The following FAM135B variants were observed in gnomAD, a reference collection of about 807,000 sequenced individuals.
FAM135B encodes the protein protein FAM135B.
Under a neutral mutation model 127.7 loss-of-function variants are expected in FAM135B, and 43 were observed. The observed-to-expected ratio is 0.34, with a 90% CI of 0.26 to 0.43. FAM135B has a LOEUF of 0.43. Ranked by LOEUF, FAM135B falls within the 20% of genes least tolerant of loss-of-function variation. FAM135B has a pLI of 1.00. For synonymous variants in FAM135B, 670 were observed against 665.1 expected (o/e 1.01, Z -0.11); for missense variants, 1,558 against 1,725.6 (o/e 0.90, Z 1.72).
chr8:138,446,976 C>T (rs904999270), intron 1 of FAM135B, among the ~76,000 whole-genome samples: 4 of 152,068 alleles, frequency 2.6e-5, no homozygotes, highest in African/African-American at 9.7e-5. Flanking sequence ...CAAACAACCC[C>T]ATCAAAAAGT....
rs57516037 is a variant in FAM135B at position 138,136,400 on chromosome 8, G to C, written c.4015+747C>G. On this transcript the variant is annotated intron_variant, in intron 19 of 19. Coordinates refer to ENST00000395297, the MANE Select transcript of FAM135B (RefSeq NM_015912.4). ...CATTAGTGGACACTGACATAATTTA[G>C]ATAAGGTCTAGAAATTAGATAATAA... 1.9e-3 allele frequency among the ~76,000 whole-genome samples: 292 copies of C among 152,218 alleles called. 13 individuals carry two copies. The East Asian group carries it at 0.053, about 28-fold the overall frequency.
At chr8:138,450,787 G>C (rs1409812227) in intron 1 of FAM135B, 2 of 152,042 alleles carry the variant, frequency 1.3e-5, no homozygotes, top group African/African-American at 4.8e-5. Context: ...TTTGACTCAG[G>C]CTCTGTCAAT....
At chr8:138,383,632 A>T (rs558773500) in intron 1 of FAM135B, among the ~76,000 whole-genome samples, 1 of 152,240 alleles carries the variant, frequency 6.6e-6, no homozygotes, top group African/African-American at 2.4e-5. Flanking sequence ...AAAACTCAAC[A>T]TGAGAAGTCA....
intron 2 of FAM135B, among the ~76,000 whole-genome samples, chr8:138,365,424 A>G (rs1192669271): frequency 6.6e-6 from 1 of 152,194 alleles, no homozygotes; most frequent in African/African-American, 2.4e-5. Context: ...TTTGTGTAAG[A>G]CTGTCAATAT....
chr8:138,271,622 T>C (rs1823382692), intron 3 of FAM135B, among the ~76,000 whole-genome samples: 1 of 152,174 alleles, frequency 6.6e-6, no homozygotes, highest in South Asian at 2.1e-4. Flanking sequence ...CTTGTGTAAA[T>C]GAATGTTTCA....
rs146458659 is a variant in FAM135B, at chr8:138,388,232, G to A, written c.-19-20230C>T. On this transcript the variant is annotated intron_variant, in intron 1 of 19. Coordinates refer to ENST00000395297, the MANE Select transcript of FAM135B (RefSeq NM_015912.4). The stretch of plus-strand genomic sequence containing the variant: ...GTCGATTAGAAGTGCCAAAATCCAG[G>A]AGACTAACAATACCAAATGATGGCA... Among the ~76,000 whole-genome samples, 490 of 152,298 alleles carry A rather than the reference G, an allele frequency of 3.2e-3. 1 individual carries two copies. Among genetic ancestry groups the A allele is most frequent in the African/African-American group, 0.011 (455 of 41,564 alleles).
In FAM135B at chr8:138,289,892, C is replaced by T. The variant is rs915612274; in HGVS notation, c.157+20949G>A. On this transcript the variant is annotated intron_variant, in intron 3 of 19. Coordinates refer to ENST00000395297, the MANE Select transcript of FAM135B (RefSeq NM_015912.4). ...GGTGCATCCAATACTCAAGTGGCAA[C>T]ACACCCAGTGGCACCATCAGAGTTG... 3.3e-5 allele frequency among the ~76,000 whole-genome samples: 5 copies of T among 152,314 alleles called. No individual in the cohort carries two copies. The East Asian group carries it at 9.7e-4, about 29-fold the overall frequency.
intron 1 of FAM135B, among the ~76,000 whole-genome samples, chr8:138,456,484 C>A (rs1158438064): frequency 2.0e-5 from 3 of 152,110 alleles, no homozygotes; most frequent in Non-Finnish European, 2.9e-5. Context: ...TTTGCTCCTT[C>A]AATATAATCC....
intron 6 of FAM135B, among the ~76,000 whole-genome samples, chr8:138,246,655 G>T (rs1476996800): frequency 2.0e-5 from 3 of 152,224 alleles, no homozygotes; most frequent in Admixed American, 1.3e-4. Flanking sequence ...GGGCAGTGCA[G>T]AAGGGAAATA....
chr8:138,478,061 G>A (rs1043696902), intron 1 of FAM135B, among the ~76,000 whole-genome samples: 4 of 152,126 alleles, frequency 2.6e-5, no homozygotes, highest in South Asian at 2.1e-4. Flanking sequence ...AAGCCATGTC[G>A]TGAGGTTTTT....
intron 7 of FAM135B, among the ~76,000 whole-genome samples, chr8:138,198,883 T>C (rs1563760078): frequency 6.6e-6 from 1 of 152,174 alleles, no homozygotes. Flanking sequence ...GGCACAGAGA[T>C]GGGAGTCCTT....
chr8:138,300,346 T>C (rs1825796125), intron 3 of FAM135B, among the ~76,000 whole-genome samples: 1 of 152,010 alleles, frequency 6.6e-6, no homozygotes, highest in Admixed American at 6.6e-5. Flanking sequence ...CAGCAGAGCC[T>C]GGAGACTGCC....
At position 138,151,704 on chromosome 8, in the gene FAM135B, G is replaced by A. The variant is rs2130739700; in HGVS notation, c.2771C>T (p.Ser924Leu). 3.1e-6 allele frequency: 5 copies of A among 1,614,200 alleles called. No homozygotes were observed. The highest frequency in any genetic ancestry group is 4.2e-6 in the Non-Finnish European group (5 of 1,180,046). ...ATGTTGAGAGAGACCCTCAACCTCT[G>A]AGATGCCACTGTTGGAAAGAGCTTG... ...GQQALSNSGI[S>L]EVEGLSQHQV... Residue 924 changes from serine to leucine, a missense_variant, in exon 13 of 20, where the codon TCA becomes TTA. Ser to Leu is a moderately radical substitution (Grantham distance 145, BLOSUM62 -2). Around this residue, in one of 5 missense-constraint regions of FAM135B, gnomAD observed 923 missense variants for 865.3 expected, o/e 1.07. Transcript: ENST00000395297.
intron 12 of FAM135B, among the ~76,000 whole-genome samples, chr8:138,159,481 A>G (rs1819139693): frequency 6.6e-6 from 1 of 151,114 alleles, no homozygotes; most frequent in Non-Finnish European, 1.5e-5. Flanking sequence ...GGAAACTATC[A>G]TTCTGAGCAA....
chr8:138,428,209 C>T (rs1294354310), intron 1 of FAM135B, among the ~76,000 whole-genome samples: 4 of 152,100 alleles, frequency 2.6e-5, no homozygotes, highest in East Asian at 3.9e-4. Context: ...TGGGCATTGT[C>T]CTCCCATTTT....
At chr8:138,148,328 G>T (rs1403607364) in intron 14 of FAM135B, among the ~76,000 whole-genome samples, 192 bp downstream of exon 14, 2 of 151,912 alleles carry the variant, frequency 1.3e-5, no homozygotes, top group Non-Finnish European at 2.9e-5. Context: ...TACTTAACAG[G>T]TTTTTTGTGA....
intron 2 of FAM135B, among the ~76,000 whole-genome samples, chr8:138,326,286 TA>T (rs375782493): frequency 7.2e-5 from 11 of 152,236 alleles, no homozygotes; most frequent in African/African-American, 2.4e-4. Context: ...CATTTGCAGG[TA>T]AAACGAAAGT....
At chr8:138,284,622 C>T (rs117474987) in intron 3 of FAM135B, among the ~76,000 whole-genome samples, 13 of 151,804 alleles carry the variant, frequency 8.6e-5, no homozygotes, top group Non-Finnish European at 1.5e-4. Context: ...GCTACCTTTG[C>T]CCATGCTGTT....
chr8:138,241,939 C>T lies in FAM135B; in HGVS notation c.669+1003G>A, dbSNP rs1820813173. On this transcript the variant is annotated intron_variant, in intron 7 of 19. Coordinates refer to ENST00000395297, the MANE Select transcript of FAM135B (RefSeq NM_015912.4). The surrounding 1 kb of genome is among the most constrained non-coding windows in gnomAD (Gnocchi z 4.8). ...GACAAAAAGACTGAGTGAGAGAAAACTGTCTCTCTTATTTATTGTCTTTGA... is the reference window on the plus strand; with the variant it reads ...GACAAAAAGACTGAGTGAGAGAAAATTGTCTCTCTTATTTATTGTCTTTGA... Among the ~76,000 whole-genome samples the T allele has an allele frequency of 6.6e-6, 1 of 152,108 alleles. No homozygotes were observed. The highest frequency in any genetic ancestry group is 2.1e-4 in the South Asian group (1 of 4,828).
Sources: gnomAD v4.1 joint callset for allele counts (sites outside exome capture counted in the v4.1 genomes callset) on GRCh38, gnomAD v4.1.1 for gene constraint, gnomAD v4.1.1 regional missense constraint, Gnocchi (gnomAD v3.1) non-coding constraint, MANE v1.5 for transcripts, NCBI Gene and HGNC (gene_info 2026-07-23, HGNC 2026-07-21) for gene names.